The following PLD3 variants were observed in gnomAD, a reference collection of about 807,000 sequenced individuals.
The protein encoded by PLD3 is phospholipase D family member 3, also known as 5'-3' exonuclease PLD3.
PLD3 carries 31 observed loss-of-function variants against 58.4 expected under a neutral mutation model. The ratio of observed to expected loss-of-function variants is 0.53; its 90% CI spans 0.40 to 0.72. The LOEUF (loss-of-function observed/expected upper bound fraction) is 0.72, where lower values mean the gene tolerates loss of function less well. Among genes scored for constraint, PLD3 ranks in the 30% least tolerant of loss-of-function variants. The pLI is 0.00. For missense variants in PLD3, 595 were observed against 659.8 expected, an observed-to-expected ratio of 0.90 and a Z score of 1.08; for synonymous variants, 264 against 273.4, an observed-to-expected ratio of 0.97 and a Z score of 0.34.
chr19:40,367,948 TGAA>T (rs1397172031), intron 6 of PLD3, 69 bp downstream of exon 6: 2 of 1,335,108 alleles, frequency 1.5e-6, no homozygotes, highest in East Asian at 5.1e-5. Context: ...CTGTGGGGAA[TGAA>T]GGGGTTTCTC....
intron 8 of PLD3, 102 bp downstream of exon 8, chr19:40,370,339 C>G (rs1215376680): frequency 1.5e-6 from 2 of 1,326,368 alleles, no homozygotes; most frequent in African/African-American, 2.9e-5. Context: ...TCCTCTCCAC[C>G]CATTCTCTGT....
At position 40,366,647 on chromosome 19, in the gene PLD3, C is replaced by T. The variant is rs1294839020; in HGVS notation, c.65C>T (p.Pro22Leu). ...GCAGAGGAGCCCGCCAATGAGCTGC[C>T]CATGAATGAGATTGAGGCGTGGAAG... ...VPAEEPANEL[P>L]MNEIEAWKAA... The change falls in exon 4 of 13, where the codon CCC becomes CTC. Residue 22 changes from proline (P) to leucine (L), a missense_variant. Transcript: ENST00000409735. 1 of 1,592,020 alleles carries T rather than the reference C, an allele frequency of 6.3e-7. No individual in the cohort carries two copies.
At chr19:40,376,355 C>CA (rs759466553) in intron 10 of PLD3, 2,031 of 313,452 alleles carry the variant, frequency 6.5e-3, no homozygotes, top group Middle Eastern at 0.013. Context: ...AATTCCACCT[C>CA]AAAAAAAAAA....
At chr19:40,369,157 A>G (rs1226673480) in intron 6 of PLD3, among the ~76,000 whole-genome samples, 1 of 152,016 alleles carries the variant, frequency 6.6e-6, no homozygotes, top group Non-Finnish European at 1.5e-5. Context: ...AAAAAACCGT[A>G]TGAGCTCCCA....
intron 10 of PLD3, 40 bp downstream of exon 10, chr19:40,374,660 CCAGGAGA>C: frequency 6.2e-7 from 1 of 1,610,988 alleles, no homozygotes; most frequent in Non-Finnish European, 8.5e-7. Context: ...CTGCAGTTGG[CCAGGAGA>C]CGGGAGAGGG....
intron 1 of PLD3, among the ~76,000 whole-genome samples, chr19:40,355,459 C>T (rs61018633): frequency 0.017 from 2,538 of 151,702 alleles, 85 homozygotes; most frequent in African/African-American, 0.058. Context: ...ACTACAGGCA[C>T]GCGCCACCAG....
chr19:40,371,837 C>T lies in PLD3; in HGVS notation c.843C>T (p.Ile281=). The stretch of plus-strand genomic sequence containing the variant: ...ACAACCAAGAGACACCAATGGAGAT[C>T]TGCCTCAATGGAACCCCTGCTCTGG... ...TRYNQETPME[I]CLNGTPALAY... The change falls in exon 9 of 13, where the codon ATC becomes ATT. Residue 281 remains isoleucine, a synonymous_variant. Coordinates refer to ENST00000409735, the MANE Select transcript of PLD3 (RefSeq NM_012268.4). The T allele has an allele frequency of 3.7e-6, 6 of 1,614,164 alleles. No individual in the cohort carries two copies. Among genetic ancestry groups the T allele is most frequent in the Non-Finnish European group, 4.2e-6 (5 of 1,180,040 alleles).
At chr19:40,365,314 T>G (rs2078890522) in intron 1 of PLD3, among the ~76,000 whole-genome samples, 1 of 152,208 alleles carries the variant, frequency 6.6e-6, no homozygotes. Context: ...AAAATAAATT[T>G]TTTTAAATCC....
At chr19:40,366,389 C>T (rs1232922432) in intron 2 of PLD3, 30 bp from the exon 3 acceptor site, 22 of 1,037,324 alleles carry the variant, frequency 2.1e-5, no homozygotes, top group Admixed American at 3.4e-5. Flanking sequence ...CGTAGAACAC[C>T]CCACACAGTG....
chr19:40,374,552 T>C lies in PLD3; in HGVS notation c.951T>C (p.Asn317=), dbSNP rs1483898118. The C allele has an allele frequency of 1.9e-6, 3 of 1,614,154 alleles. No individual in the cohort carries two copies. Among genetic ancestry groups the C allele is most frequent in the Middle Eastern group, 1.6e-4 (1 of 6,062 alleles). Residue 317 remains asparagine (N), a synonymous_variant, in exon 10 of 13, where the codon AAT becomes AAC. Transcript: ENST00000409735. ...AGGCTCTACTCAACGTGGTGGACAA[T>C]GCCCGGAGTTTCATCTACGTCGCTG... ...DLKALLNVVD[N]ARSFIYVAVM...
chr19:40,375,823 CCGAGG>C (rs983191007), intron 10 of PLD3, among the ~76,000 whole-genome samples: 22 of 152,046 alleles, frequency 1.4e-4, no homozygotes, highest in African/African-American at 4.1e-4. Flanking sequence ...CTTTGGGAGG[CCGAGG>C]CGGAAGGATC....
At chr19:40,351,551 A>G (rs2078516462) in intron 1 of PLD3, among the ~76,000 whole-genome samples, 1 of 152,174 alleles carries the variant, frequency 6.6e-6, no homozygotes, top group South Asian at 2.1e-4. Flanking sequence ...TCAAAAAAAG[A>G]GAGAGAGAAA....
chr19:40,362,549 C>T (rs2078813361), intron 1 of PLD3, among the ~76,000 whole-genome samples: 1 of 152,194 alleles, frequency 6.6e-6, no homozygotes, highest in African/African-American at 2.4e-5. Context: ...AATTCTCCTG[C>T]CTCAGCCTTC....
Position 40,377,827 on chromosome 19 carries a change from C to T in PLD3, c.1227C>T (p.Ile409=). 1 of 1,614,002 alleles carries T rather than the reference C, an allele frequency of 6.2e-7. No homozygotes were observed. The highest frequency in any genetic ancestry group is 8.5e-7 in the Non-Finnish European group (1 of 1,179,906). The change falls in exon 12 of 13, where the codon ATC becomes ATT. Residue 409 remains isoleucine, a synonymous_variant. Coordinates refer to ENST00000409735, the MANE Select transcript of PLD3 (RefSeq NM_012268.4). ...VVPADEAQAR[I]PYARVNHNKY... ...CCGCGGATGAGGCCCAGGCTCGAATCCCATATGCCCGTGTCAACCACAACA... is the reference window on the plus strand; with the variant it reads ...CCGCGGATGAGGCCCAGGCTCGAATTCCATATGCCCGTGTCAACCACAACA...
Position 40,378,067 on chromosome 19 carries a change from T to G in PLD3, c.1367T>G (p.Leu456Arg). The G allele has an allele frequency of 1.2e-6, 2 of 1,613,918 alleles. No homozygotes were observed. Among genetic ancestry groups the G allele is most frequent in the Non-Finnish European group, 8.5e-7 (1 of 1,179,914 alleles). Residue 456 changes from leucine to arginine, a missense_variant, in exon 13 of 13, where the codon CTG (leucine) becomes CGG (arginine). Leu to Arg is a moderately radical substitution (Grantham distance 102). Coordinates refer to ENST00000409735, the MANE Select transcript of PLD3 (RefSeq NM_012268.4). ...LLVTQNGRGG[L>R]RSQLEAIFLR... ...GTGACGCAGAATGGGAGGGGCGGCC[T>G]GCGGAGCCAGCTGGAGGCCATTTTC...
intron 6 of PLD3, 105 bp downstream of exon 6, chr19:40,367,984 G>T: frequency 4.1e-6 from 4 of 976,252 alleles, no homozygotes; most frequent in South Asian, 1.6e-5. Context: ...AGACAGAGGG[G>T]TGTGTCTCAC....
chr19:40,378,227 C>G lies in PLD3; in HGVS notation c.*54C>G. 6.6e-7 allele frequency: 1 copy of G among 1,512,804 alleles called. No homozygotes were observed. The highest frequency in any genetic ancestry group is 9.1e-7 in the Non-Finnish European group (1 of 1,100,374). The allele number at this position is 1,512,804 out of a possible 1,614,324, so 93.7% of individuals were successfully genotyped here. ...TGCTGGGCCCCCGCGGACCCAGGTG[C>G]TCTGGGTCACGGTCCCTGTCCCCGC... is the stretch of plus-strand genomic sequence containing the variant. On this transcript the variant is annotated 3_prime_UTR_variant, in exon 13 of 13. Coordinates refer to ENST00000409735, the MANE Select transcript of PLD3 (RefSeq NM_012268.4).
intron 2 of PLD3, 44 bp from the exon 3 acceptor site, chr19:40,366,375 A>G: frequency 1.1e-6 from 1 of 912,680 alleles, no homozygotes; most frequent in Non-Finnish European, 1.8e-6. Flanking sequence ...CTGTCCCTGG[A>G]AAGCGTAGAA....
chr19:40,375,953 T>G (rs1414959804), intron 10 of PLD3, among the ~76,000 whole-genome samples: 1 of 152,056 alleles, frequency 6.6e-6, no homozygotes, highest in Non-Finnish European at 1.5e-5. Context: ...CTCAGGAGAC[T>G]GAGGCAGGAG....
Sources: allele counts gnomAD v4.1 joint callset (sites outside exome capture counted in the v4.1 genomes callset), GRCh38; gene constraint gnomAD v4.1.1; transcripts MANE v1.5; gene names NCBI Gene and HGNC (gene_info 2026-07-23, HGNC 2026-07-21).